Variants in UBR2 observed in about 807,000 individuals in gnomAD.
The protein encoded by UBR2 is ubiquitin protein ligase E3 component n-recognin 2.
A neutral mutation model predicts 247.9 loss-of-function variants in UBR2; 92 were observed. That is an observed-to-expected ratio of 0.37 (90% CI 0.31 to 0.44). The LOEUF (loss-of-function observed/expected upper bound fraction) is 0.44. Among genes scored for constraint, UBR2 ranks in the 20% least tolerant of loss-of-function variants. UBR2 has a pLI of 1.00. For missense variants in UBR2, 1,613 were observed against 2,112.6 expected, an observed-to-expected ratio of 0.76 and a Z score of 4.64; for synonymous variants, 672 against 693.5, an observed-to-expected ratio of 0.97 and a Z score of 0.49.
chr6:42,576,192 G>T (rs1265994290), intron 2 of UBR2, among the ~76,000 whole-genome samples: 2 of 152,084 alleles, frequency 1.3e-5, no homozygotes, highest in African/African-American at 2.4e-5. Flanking sequence ...GTTGCTGTTG[G>T]TGTTATAACT....
chr6:42,655,840 A>G (rs1370374268), intron 26 of UBR2, 117 bp downstream of exon 26: 1 of 565,996 alleles, frequency 1.8e-6, no homozygotes, highest in African/African-American at 2.0e-5. Flanking sequence ...TAATCCAAAC[A>G]TTTGAGGCTA....
intron 8 of UBR2, 25 bp from the exon 9 acceptor site, chr6:42,615,046 A>G: frequency 6.3e-7 from 1 of 1,595,494 alleles, no homozygotes; most frequent in Non-Finnish European, 8.6e-7. Flanking sequence ...TTGCTATCTC[A>G]TTCTACCTTT....
chr6:42,677,547 G>T (rs775936514), intron 40 of UBR2, among the ~76,000 whole-genome samples: 20 of 152,196 alleles, frequency 1.3e-4, no homozygotes, highest in Admixed American at 4.6e-4. Flanking sequence ...GGAGAATGAG[G>T]CTGGCAGATT....
At chr6:42,577,815 CG>C (rs1306062046) in intron 2 of UBR2, among the ~76,000 whole-genome samples, 1 of 150,522 alleles carries the variant, frequency 6.6e-6, no homozygotes, top group Non-Finnish European at 1.5e-5. Context: ...GCATTGGGGG[CG>C]GGGGTGGCTT....
At chr6:42,632,459 C>A in intron 11 of UBR2, 93 bp from the exon 12 acceptor site, 1 of 1,156,776 alleles carries the variant, frequency 8.6e-7, no homozygotes, top group African/African-American at 1.6e-5. Context: ...AAGGTTTAAA[C>A]TGAAGGAGCT....
intron 8 of UBR2, among the ~76,000 whole-genome samples, chr6:42,613,096 G>C (rs943583584): frequency 2.0e-5 from 3 of 149,538 alleles, no homozygotes; most frequent in African/African-American, 7.4e-5. Context: ...GTGAAACTCT[G>C]TTTCAAAAAA....
intron 2 of UBR2, among the ~76,000 whole-genome samples, chr6:42,588,097 T>A (rs1457427469): frequency 6.6e-6 from 1 of 152,192 alleles, no homozygotes; most frequent in Non-Finnish European, 1.5e-5. Context: ...TGCCCCCTAC[T>A]TTAGACACCA....
At chr6:42,626,691 C>T (rs1017939711) in intron 11 of UBR2, among the ~76,000 whole-genome samples, 2 of 152,174 alleles carry the variant, frequency 1.3e-5, no homozygotes, top group East Asian at 1.9e-4. Context: ...GGTTCTCAAT[C>T]GAGAGCCTGG....
At chr6:42,628,353 A>T (rs1230285538) in intron 11 of UBR2, among the ~76,000 whole-genome samples, 1 of 152,126 alleles carries the variant, frequency 6.6e-6, no homozygotes, top group Non-Finnish European at 1.5e-5. Context: ...TATTAGTGGA[A>T]TGTTTTACAG....
At chr6:42,568,556 C>T (rs941322154) in intron 1 of UBR2, among the ~76,000 whole-genome samples, 2 of 151,922 alleles carry the variant, frequency 1.3e-5, no homozygotes, top group South Asian at 2.1e-4. Flanking sequence ...GGTGAAACTC[C>T]GTCTCTACTA....
At chr6:42,633,644 A>ACCT (rs1458462338) in intron 13 of UBR2, among the ~76,000 whole-genome samples, 1 of 150,520 alleles carries the variant, frequency 6.6e-6, no homozygotes, top group Admixed American at 6.6e-5. Flanking sequence ...ACCCACCTCA[A>ACCT]CCTCCCAGAG....
intron 14 of UBR2, 45 bp from the exon 15 acceptor site, chr6:42,636,966 A>G: frequency 6.3e-7 from 1 of 1,579,576 alleles, no homozygotes; most frequent in African/African-American, 1.4e-5. Context: ...AATGTTGTAA[A>G]AACTCAACCT....
At chr6:42,682,953 T>G in intron 42 of UBR2, 102 bp from the exon 43 acceptor site, 3 of 941,394 alleles carry the variant, frequency 3.2e-6, no homozygotes, top group Non-Finnish European at 4.9e-6. Context: ...ATATGTTAGG[T>G]CAAGAATATT....
rs1275171914 is a variant in UBR2 at position 42,659,656 on chromosome 6, C to A, written c.3243C>A (p.Ser1081Arg). 1.9e-6 allele frequency: 3 copies of A among 1,613,066 alleles called. No homozygotes were observed. Among genetic ancestry groups the A allele is most frequent in the Non-Finnish European group, 2.5e-6 (3 of 1,179,490 alleles). The change falls in exon 30 of 47, where the codon AGC (serine) becomes AGA (arginine). Residue 1081 changes from serine to arginine, a missense_variant and splice_region_variant. By Grantham distance (110) the Ser-to-Arg change is moderately radical. Coordinates refer to ENST00000372901, the MANE Select transcript of UBR2 (RefSeq NM_001363705.2). This position sits in a 1 kb window ranked among gnomAD's most constrained non-coding sequence, Gnocchi z 4.3. ...DASTSAVLDH[S>R]PVASDMTLTA... ...TATATTCATAACCTTTGTATTGCAG[C>A]CCTGTGGCTTCAGATATGACACTTA...
intron 4 of UBR2, among the ~76,000 whole-genome samples, chr6:42,595,270 T>G (rs1792895982): frequency 6.6e-6 from 1 of 152,260 alleles, no homozygotes; most frequent in East Asian, 1.9e-4. Flanking sequence ...TATCTAGCTT[T>G]GTTCTTGTAT....
In UBR2 at chr6:42,659,546, CACACACACACACACACT is replaced by C. The variant is rs1335454458; in HGVS notation, c.3243-94_3243-78del. The C allele has an allele frequency of 3.4e-4, 252 of 733,074 alleles. No homozygotes were observed. The highest frequency in any genetic ancestry group is 2.0e-3 in the African/African-American group (108 of 54,420). The allele number at this position is 733,074 out of a possible 1,614,324, so 45.4% of individuals were successfully genotyped here. A position where few individuals can be genotyped will look rare whatever the true frequency, so the allele number is the denominator to read the frequency against. ...ACACACACACACACACACACACACA[CACACACACACACACACT>C]ACACACACACACACATACCTGTAGT... On this transcript the variant is annotated intron_variant, in intron 29 of 46. Coordinates refer to ENST00000372901, the MANE Select transcript of UBR2 (RefSeq NM_001363705.2). This position sits in a 1 kb window ranked among gnomAD's most constrained non-coding sequence, Gnocchi z 4.3.
intron 36 of UBR2, among the ~76,000 whole-genome samples, 155 bp downstream of exon 36, chr6:42,670,870 G>C (rs897320940): frequency 1.3e-5 from 2 of 152,284 alleles, no homozygotes; most frequent in Admixed American, 6.5e-5. Flanking sequence ...AGTAATGTTT[G>C]TGGTTTAATC....
At chr6:42,665,069 A>G (rs1798029935) in intron 32 of UBR2, among the ~76,000 whole-genome samples, 2 of 152,256 alleles carry the variant, frequency 1.3e-5, no homozygotes. Context: ...ATACCATAAG[A>G]TATTTACAGT....
intron 25 of UBR2, among the ~76,000 whole-genome samples, chr6:42,653,975 G>A (rs1236570157): frequency 6.6e-6 from 1 of 152,062 alleles, no homozygotes; most frequent in Non-Finnish European, 1.5e-5. Context: ...GGGAAGCTTT[G>A]TTTTTCCAAG....
Sources: allele counts gnomAD v4.1 joint callset (sites outside exome capture counted in the v4.1 genomes callset), GRCh38; gene constraint gnomAD v4.1.1; non-coding constraint Gnocchi (gnomAD v3.1); transcripts MANE v1.5; gene names NCBI Gene and HGNC (gene_info 2026-07-23, HGNC 2026-07-21).